Variants in FBXO45 observed in about 807,000 individuals in gnomAD.
FBXO45 encodes F-box protein 45, also known as F-box/SPRY domain-containing protein 1.
A neutral mutation model predicts 25.5 loss-of-function variants in FBXO45; 3 were observed. The observed-to-expected ratio is 0.12, with a 90% CI of 0.05 to 0.30. The LOEUF is 0.30. Among genes scored for constraint, FBXO45 ranks in the 10% least tolerant of loss-of-function variants. The pLI is 1.00. For synonymous variants in FBXO45, 155 were observed against 149.8 expected (o/e 1.03, Z -0.25); for missense variants, 219 against 365.0 (o/e 0.60, Z 3.26).
chr3:196,578,181 C>G (rs1377495135), intron 2 of FBXO45, among the ~76,000 whole-genome samples: 1 of 151,228 alleles, frequency 6.6e-6, no homozygotes, highest in Non-Finnish European at 1.5e-5. Context: ...GGATTACAGG[C>G]GCCCACCACC....
At chr3:196,578,046 C>CTTTTTTTTTTTTTTTTTT (rs775555553) in intron 2 of FBXO45, among the ~76,000 whole-genome samples, 4 of 94,052 alleles carry the variant, frequency 4.3e-5, no homozygotes, top group African/African-American at 9.3e-5. Context: ...GAAAAATATT[C>CTTTTTTTTTTTTTTTTTT]TTTTTTTTTT....
At chr3:196,573,779 A>G (rs886390820) in intron 1 of FBXO45, among the ~76,000 whole-genome samples, 14 of 152,040 alleles carry the variant, frequency 9.2e-5, no homozygotes, top group African/African-American at 3.1e-4. Context: ...AGCATTAATT[A>G]TTTAAGTCAT....
chr3:196,568,775 G>A lies in FBXO45; in HGVS notation c.-210G>A. The A allele has an allele frequency of 5.6e-6, 1 of 178,884 alleles. No homozygotes were observed. Among genetic ancestry groups the A allele is most frequent in the Non-Finnish European group, 1.1e-5 (1 of 92,492 alleles). The allele number at this position is 178,884 out of a possible 1,614,324, so 11.1% of individuals were successfully genotyped here. Reference sequence around the variant, plus strand: ...GAGCCGCGGAGGAGGGGCGGAGGACGCCCCTGCAGCCGGTGCGTCTGCCCT... The same window carrying A: ...GAGCCGCGGAGGAGGGGCGGAGGACACCCCTGCAGCCGGTGCGTCTGCCCT... On this transcript the variant is annotated 5_prime_UTR_variant, in exon 1 of 3. Coordinates refer to ENST00000311630, the MANE Select transcript of FBXO45 (RefSeq NM_001105573.2).
At position 196,584,067 on chromosome 3, in the gene FBXO45, G is replaced by T; in HGVS notation, c.676-66G>T. ...CTTAATATTTTCAACTTCTTGATTT[G>T]TGTCTTGTTTCTTCTAGCTACACCC... On this transcript the variant is annotated intron_variant, in intron 2 of 2. Coordinates refer to ENST00000311630, the MANE Select transcript of FBXO45 (RefSeq NM_001105573.2). This position sits in a 1 kb window ranked among gnomAD's most constrained non-coding sequence, Gnocchi z 4.3. 1.4e-6 allele frequency: 2 copies of T among 1,438,724 alleles called. No individual in the cohort carries two copies. Among genetic ancestry groups the T allele is most frequent in the East Asian group, 4.6e-5 (2 of 43,262 alleles). The allele number at this position is 1,438,724 out of a possible 1,614,324, so 89.1% of individuals were successfully genotyped here.
Position 196,585,618 on chromosome 3 carries a change from A to G in FBXO45, c.*1300A>G, listed in dbSNP as rs950941974. 6.6e-6 allele frequency: 1 copy of G among 152,238 alleles called. No individual in the cohort carries two copies. The highest frequency in any genetic ancestry group is 2.1e-4 in the South Asian group (1 of 4,836). The allele number at this position is 152,238 out of a possible 1,614,324, so 9.4% of individuals were successfully genotyped here. Reference sequence around the variant, plus strand: ...AGGTTTCGTTGTAGAAGAGTTTAACATTAACTCCTATTTTGACTTACAAAT... The same window carrying G: ...AGGTTTCGTTGTAGAAGAGTTTAACGTTAACTCCTATTTTGACTTACAAAT... On this transcript the variant is annotated 3_prime_UTR_variant, in exon 3 of 3. Transcript: ENST00000311630.
rs1376719613 is a variant in FBXO45 at position 196,569,470 on chromosome 3, C to T, written c.318+168C>T. On this transcript the variant is annotated intron_variant, in intron 1 of 2. Transcript: ENST00000311630. The surrounding 1 kb of genome is among the most constrained non-coding windows in gnomAD (Gnocchi z 4.1). ...CCCCCCAAGATAAAGATTCTCTTTTCTTTGGATCGAAGTTCTGCTCCTTAA... is the reference window on the plus strand; with the variant it reads ...CCCCCCAAGATAAAGATTCTCTTTTTTTTGGATCGAAGTTCTGCTCCTTAA... Among the ~76,000 whole-genome samples, 1 of 152,172 alleles carries T rather than the reference C, an allele frequency of 6.6e-6. No homozygotes were observed.
At position 196,575,457 on chromosome 3, in the gene FBXO45, C is replaced by CAAA. The variant is rs1198432279; in HGVS notation, c.319-1983_319-1981dup. On this transcript the variant is annotated intron_variant, in intron 1 of 2. Coordinates refer to ENST00000311630, the MANE Select transcript of FBXO45 (RefSeq NM_001105573.2). ...TGGGTGACAGAGTGAGACTCTGTCT[C>CAAA]AAAAAAAAAAAAAAAGAAAAGGAAG... Among the ~76,000 whole-genome samples the CAAA allele has an allele frequency of 7.5e-3, 671 of 89,934 alleles. 11 individuals are homozygous for CAAA. The highest frequency in any genetic ancestry group is 0.012 in the Non-Finnish European group (522 of 42,466). The allele number at this position is 89,934 out of a possible 152,430, so 59.0% of individuals were successfully genotyped here.
intron 1 of FBXO45, 75 bp from the exon 2 acceptor site, chr3:196,577,378 G>A (rs1024946798): frequency 1.4e-5 from 15 of 1,103,910 alleles, no homozygotes; most frequent in African/African-American, 4.7e-5. Context: ...AACATACAGC[G>A]TGAAGTTTGG....
At chr3:196,578,674 GT>G (rs1735958990) in intron 2 of FBXO45, among the ~76,000 whole-genome samples, 1 of 152,152 alleles carries the variant, frequency 6.6e-6, no homozygotes, top group African/African-American at 2.4e-5. Context: ...AGGGGCTGTA[GT>G]TTGCCAGTTC....
In FBXO45 at chr3:196,586,168, T is replaced by C. The variant is rs771943198; in HGVS notation, c.*1850T>C. ...AACTCAGTTCGGCAAAGTTTAAAAT[T>C]TGATTAAACAAGAGAAGTGGTTCAG... On this transcript the variant is annotated 3_prime_UTR_variant, in exon 3 of 3. Coordinates refer to ENST00000311630, the MANE Select transcript of FBXO45 (RefSeq NM_001105573.2). The C allele has an allele frequency of 3.3e-5, 5 of 152,200 alleles. No homozygotes were observed. The highest frequency in any genetic ancestry group is 4.4e-5 in the Non-Finnish European group (3 of 68,034). The allele number at this position is 152,200 out of a possible 1,614,324, so 9.4% of individuals were successfully genotyped here. A position where few individuals can be genotyped will look rare whatever the true frequency, so the allele number is the denominator to read the frequency against.
At position 196,569,255 on chromosome 3, in the gene FBXO45, G is replaced by A. The variant is rs766908007; in HGVS notation, c.271G>A (p.Ala91Thr). The A allele has an allele frequency of 1.9e-6, 3 of 1,585,822 alleles. No individual in the cohort carries two copies. Among genetic ancestry groups the A allele is most frequent in the Admixed American group, 3.6e-5 (2 of 55,746 alleles). ...GTGCGCCCGCAGCCTGGCAGAAGAG[G>A]CTCTGCGCACGGACATCCTGTGCAA... ...SLCARSLAEE[A>T]LRTDILCNLP... The change falls in exon 1 of 3, where the codon GCT becomes ACT. Residue 91 changes from alanine to threonine, a missense_variant. Ala to Thr is a moderately conservative substitution (Grantham distance 58). Coordinates refer to ENST00000311630, the MANE Select transcript of FBXO45 (RefSeq NM_001105573.2). This position sits in a 1 kb window ranked among gnomAD's most constrained non-coding sequence, Gnocchi z 4.1.
chr3:196,579,020 C>A (rs970344553), intron 2 of FBXO45, among the ~76,000 whole-genome samples: 1 of 152,160 alleles, frequency 6.6e-6, no homozygotes, highest in African/African-American at 2.4e-5. Flanking sequence ...TTCAAAGCCC[C>A]TGGAGGCATC....
At chr3:196,580,914 T>C (rs1008413880) in intron 2 of FBXO45, among the ~76,000 whole-genome samples, 1 of 151,936 alleles carries the variant, frequency 6.6e-6, no homozygotes, top group African/African-American at 2.4e-5. Flanking sequence ...GCCTCCAGAG[T>C]AGCTGGGACT....
rs1736152700 is a variant in FBXO45 at position 196,587,177 on chromosome 3, G to A, written c.*2859G>A. On this transcript the variant is annotated 3_prime_UTR_variant, in exon 3 of 3. Transcript: ENST00000311630. Reference sequence around the variant, plus strand: ...CCCTACTATGGTCTTCTGTCATACTGAGACAGGCTGTTTTAATTACCTGGT... The same window carrying A: ...CCCTACTATGGTCTTCTGTCATACTAAGACAGGCTGTTTTAATTACCTGGT... 6.6e-6 allele frequency: 1 copy of A among 152,198 alleles called. No individual in the cohort carries two copies. Among genetic ancestry groups the A allele is most frequent in the East Asian group, 1.9e-4 (1 of 5,208 alleles). 9.4% of individuals were successfully genotyped at this position (152,198 alleles called of 1,614,324 possible).
intron 2 of FBXO45, among the ~76,000 whole-genome samples, chr3:196,578,028 G>A (rs1244006469): frequency 1.1e-5 from 1 of 93,378 alleles, no homozygotes; most frequent in Non-Finnish European, 2.2e-5. Context: ...TTTGATTTTG[G>A]CTATGCAGAA....
rs1466337339 is a variant in FBXO45 at position 196,586,411 on chromosome 3, T to C, written c.*2093T>C. 6.6e-6 allele frequency: 1 copy of C among 152,216 alleles called. No homozygotes were observed. Among genetic ancestry groups the C allele is most frequent in the Non-Finnish European group, 1.5e-5 (1 of 68,038 alleles). The allele number at this position is 152,216 out of a possible 1,614,324, so 9.4% of individuals were successfully genotyped here. A position where few individuals can be genotyped will look rare whatever the true frequency, so the allele number is the denominator to read the frequency against. On this transcript the variant is annotated 3_prime_UTR_variant, in exon 3 of 3. Coordinates refer to ENST00000311630, the MANE Select transcript of FBXO45 (RefSeq NM_001105573.2). Reference sequence around the variant, plus strand: ...TTGGACCTAGAATGAAATAATTGCCTCAATATTTAACAACAAGCCATTCTT... The same window carrying C: ...TTGGACCTAGAATGAAATAATTGCCCCAATATTTAACAACAAGCCATTCTT...
At position 196,579,986 on chromosome 3, in the gene FBXO45, T is replaced by C. The variant is rs1005094167; in HGVS notation, c.675+2177T>C. Among the ~76,000 whole-genome samples the C allele has an allele frequency of 2.0e-5, 3 of 152,196 alleles. No homozygotes were observed. In the South Asian group the frequency reaches 6.2e-4, roughly 32 times the overall value. ...ATCTTGATTTTTATCTAACCCAGTC[T>C]CTGTCTCTGACTTTTTTTTTTTGAG... On this transcript the variant is annotated intron_variant, in intron 2 of 2. Coordinates refer to ENST00000311630, the MANE Select transcript of FBXO45 (RefSeq NM_001105573.2).
chr3:196,580,715 A>G (rs958847608), intron 2 of FBXO45, among the ~76,000 whole-genome samples: 1 of 150,668 alleles, frequency 6.6e-6, no homozygotes, highest in Non-Finnish European at 1.5e-5. Flanking sequence ...CTCTAAAACT[A>G]TGTTCTTGTT....
Position 196,577,823 on chromosome 3 carries a change from G to C in FBXO45, c.675+14G>C, listed in dbSNP as rs1432817737. ...CCAAAATATCAGGTGAGAAACTGGGGTTTTTCTCAAGTATGGGCCTTTGTC... is the reference window on the plus strand; with the variant it reads ...CCAAAATATCAGGTGAGAAACTGGGCTTTTTCTCAAGTATGGGCCTTTGTC... On this transcript the variant is annotated intron_variant, in intron 2 of 2. Transcript: ENST00000311630. 1 of 1,536,294 alleles carries C rather than the reference G, an allele frequency of 6.5e-7. No homozygotes were observed. Among genetic ancestry groups the C allele is most frequent in the East Asian group, 2.3e-5 (1 of 43,206 alleles).
Sources: gnomAD v4.1 joint callset for allele counts (sites outside exome capture counted in the v4.1 genomes callset) on GRCh38, gnomAD v4.1.1 for gene constraint, Gnocchi (gnomAD v3.1) non-coding constraint, MANE v1.5 for transcripts, NCBI Gene and HGNC (gene_info 2026-07-23, HGNC 2026-07-21) for gene names.